SLC25A22: variants seen among roughly 807,000 people sequenced by gnomAD.
SLC25A22 encodes the protein solute carrier family 25 member 22.
A neutral mutation model predicts 33.7 loss-of-function variants in SLC25A22; 23 were observed. The ratio of observed to expected loss-of-function variants is 0.68; its 90% CI spans 0.49 to 0.97. The LOEUF (loss-of-function observed/expected upper bound fraction) is 0.97. Among genes scored for constraint, SLC25A22 ranks in the 50% least tolerant of loss-of-function variants. The probability of loss-of-function intolerance (pLI) is 0.00; values close to 1 mark genes in which losing one functional copy is unlikely to be tolerated. For synonymous variants in SLC25A22, 245 were observed against 203.8 expected (o/e 1.20, Z -1.72); for missense variants, 390 against 451.1 (o/e 0.86, Z 1.23).
rs1405191766 is a variant in SLC25A22, at chr11:791,947, G to C, written c.940C>G (p.Leu314Val). The change falls in exon 10 of 10, where the codon CTG (leucine) becomes GTG (valine). Residue 314 changes from leucine (L) to valine (V), a missense_variant. Transcript: ENST00000628067. ...TGGGGGTCCTGCAGCAGCCCCAGCAGGGACTCCGCGATGCCCAGGAAGTAG... is the reference window on the plus strand; with the variant it reads ...TGGGGGTCCTGCAGCAGCCCCAGCACGGACTCCGCGATGCCCAGGAAGTAG... Reference protein sequence around the residue: ...VVYFLGIAESLLGLLQDPQA With the variant: ...VVYFLGIAESVLGLLQDPQA The C allele has an allele frequency of 2.5e-6, 4 of 1,604,228 alleles. No homozygotes were observed. The highest frequency in any genetic ancestry group is 1.7e-5 in the Admixed American group (1 of 59,900).
rs766823792 is a variant in SLC25A22 at position 794,969 on chromosome 11, C to G, written c.20+18G>C. The G allele has an allele frequency of 6.4e-7, 1 of 1,561,322 alleles. No homozygotes were observed. The highest frequency in any genetic ancestry group is 1.2e-5 in the South Asian group (1 of 84,764). On this transcript the variant is annotated intron_variant, in intron 2 of 9. Coordinates refer to ENST00000628067, the MANE Select transcript of SLC25A22 (RefSeq NM_001191061.2). ...GTCAGGGTGGGGGTGAGGCACGCAG[C>G]CAGGACTGGAGTCTGACCTGATCTG...
chr11:798,113 C>T (rs1459498015), intron 1 of SLC25A22, 104 bp downstream of exon 1: 8 of 364,472 alleles, frequency 2.2e-5, no homozygotes, highest in Non-Finnish European at 3.9e-5. Context: ...CCACGTTGTT[C>T]GGGCAGCTGT....
rs901325312 is a variant in SLC25A22, at chr11:798,233, G to C, written c.-180C>G. On this transcript the variant is annotated 5_prime_UTR_variant, in exon 1 of 10. Coordinates refer to ENST00000628067, the MANE Select transcript of SLC25A22 (RefSeq NM_001191061.2). ...GACACTCACCACGCTCGCCGCCGCCGCCGCGCTCGCCTGCCCGCCCCGCGC... is the reference window on the plus strand; with the variant it reads ...GACACTCACCACGCTCGCCGCCGCCCCCGCGCTCGCCTGCCCGCCCCGCGC... 2.5e-5 allele frequency: 10 copies of C among 393,996 alleles called. No individual in the cohort carries two copies. In the Admixed American group the frequency reaches 3.6e-4, roughly 14 times the overall value. 24.4% of individuals were successfully genotyped at this position (393,996 alleles called of 1,614,324 possible).
At chr11:798,102 G>A (rs958482685) in intron 1 of SLC25A22, 115 bp downstream of exon 1, 1 of 397,788 alleles carries the variant, frequency 2.5e-6, no homozygotes, top group African/African-American at 2.1e-5. Flanking sequence ...CGCCCGCCAG[G>A]CCACGTTGTT....
chr11:793,118 A>G, intron 5 of SLC25A22, 130 bp from the exon 6 acceptor site: 2 of 845,614 alleles, frequency 2.4e-6, no homozygotes, highest in Non-Finnish European at 3.9e-6. Flanking sequence ...GTGGGGGTAC[A>G]GCCCCCAGCC....
intron 1 of SLC25A22, chr11:797,645 T>G: frequency 2.5e-6 from 1 of 398,670 alleles, no homozygotes; most frequent in Non-Finnish European, 4.4e-6. Context: ...AGGCTCCGAG[T>G]CTGGCCGGCG....
chr11:794,303 C>A (rs563337242), intron 4 of SLC25A22, 155 bp downstream of exon 4: 7 of 883,706 alleles, frequency 7.9e-6, no homozygotes, highest in African/African-American at 5.0e-5. Flanking sequence ...GAGATCCAGT[C>A]CCCCCTGCAC....
rs2133699836 is a variant in SLC25A22, at chr11:792,419, G to A, written c.627C>T (p.Ala209=). 6.2e-7 allele frequency: 1 copy of A among 1,613,446 alleles called. No homozygotes were observed. Among genetic ancestry groups the A allele is most frequent in the Admixed American group, 1.7e-5 (1 of 60,030 alleles). Residue 209 remains alanine (A), a synonymous_variant, in exon 8 of 10, where the codon GCC becomes GCT. Transcript: ENST00000628067. ...PFSVVYFPLF[A]NLNQLGRPAS... ...CCGGGCGGCCCAGCTGGTTCAGGTT[G>A]GCAAAGAGCGGGAAGTACACCACAG... is the stretch of plus-strand genomic sequence containing the variant.
intron 1 of SLC25A22, 99 bp from the exon 2 acceptor site, chr11:795,268 C>T: frequency 1.6e-6 from 1 of 622,324 alleles, no homozygotes; most frequent in South Asian, 1.8e-5. Flanking sequence ...ACCCACCACC[C>T]CAGACTGAAG....
At chr11:795,412 C>CGGCTCACGCTCGGGGCTCA (rs1554966349) in intron 1 of SLC25A22, 4 of 378,876 alleles carry the variant, frequency 1.1e-5, no homozygotes, top group African/African-American at 8.6e-5. Flanking sequence ...GCCTCACACG[C>CGGCTCACGCTCGGGGCTCA]CGCTCACGCT....
At chr11:795,390 T>A in intron 1 of SLC25A22, 1 of 313,070 alleles carries the variant, frequency 3.2e-6, no homozygotes, top group South Asian at 2.3e-5. Context: ...ACCGCCAGCG[T>A]CTTCCCAGCC....
At chr11:795,226 T>A in intron 1 of SLC25A22, 57 bp from the exon 2 acceptor site, 1 of 660,374 alleles carries the variant, frequency 1.5e-6, no homozygotes. Flanking sequence ...AGAGTAATCC[T>A]CCCCCAGCCT....
intron 4 of SLC25A22, 190 bp from the exon 5 acceptor site, chr11:793,809 C>T: frequency 1.6e-6 from 1 of 617,534 alleles, no homozygotes; most frequent in Middle Eastern, 4.3e-4. Flanking sequence ...GGCAGCACCT[C>T]AGGCTCAGGC....
At chr11:798,045 A>C (rs889910760) in intron 1 of SLC25A22, 172 bp downstream of exon 1, 1 of 398,380 alleles carries the variant, frequency 2.5e-6, no homozygotes, top group Admixed American at 4.4e-5. Context: ...GTCTCACGCC[A>C]GAGCAGCCGC....
rs1021756897 is a variant in SLC25A22 at position 790,795 on chromosome 11, C to CCCT, written c.*1119_*1120insAGG. 7 of 152,612 alleles carry CCCT rather than the reference C, an allele frequency of 4.6e-5. No individual in the cohort carries two copies. Among genetic ancestry groups the CCCT allele is most frequent in the African/African-American group, 1.7e-4 (7 of 41,474 alleles). 9.5% of individuals were successfully genotyped at this position (152,612 alleles called of 1,614,324 possible). On this transcript the variant is annotated 3_prime_UTR_variant, in exon 10 of 10. Transcript: ENST00000628067. ...GAGAGCTTCGGCTCACAGCAGGGAT[C>CCCT]GCCCGGTGGCAGGGGGGATGGGGCT...
chr11:798,198 C>A lies in SLC25A22; in HGVS notation c.-164+19G>T. 2.5e-6 allele frequency: 1 copy of A among 397,534 alleles called. No individual in the cohort carries two copies. Among genetic ancestry groups the A allele is most frequent in the East Asian group, 3.6e-5 (1 of 28,034 alleles). The allele number at this position is 397,534 out of a possible 1,614,324, so 24.6% of individuals were successfully genotyped here. The stretch of plus-strand genomic sequence containing the variant: ...TTCGGATGGGCGCAGCAGAAGGGAG[C>A]CGCCGGGCAGACACTCACCACGCTC... On this transcript the variant is annotated intron_variant, in intron 1 of 9. Coordinates refer to ENST00000628067, the MANE Select transcript of SLC25A22 (RefSeq NM_001191061.2).
intron 4 of SLC25A22, 42 bp downstream of exon 4, chr11:794,416 C>T: frequency 6.2e-7 from 1 of 1,604,952 alleles, no homozygotes; most frequent in Non-Finnish European, 8.5e-7. Flanking sequence ...GCGGGCGCTA[C>T]CCAGGCCTGC....
Position 793,543 on chromosome 11 carries a change from C to G in SLC25A22, c.279G>C (p.Gln93His), listed in dbSNP as rs769730725. 73 of 1,613,596 alleles carry G rather than the reference C, an allele frequency of 4.5e-5. No individual in the cohort carries two copies. In the South Asian group the frequency reaches 7.0e-4, roughly 16 times the overall value. The stretch of plus-strand genomic sequence containing the variant: ...AGAACCCTCACCCGTCCTTAGAGAG[C>G]TGATGTCGGAAGAAGTCGTTGGCTG... ...KLAANDFFRH[Q>H]LSKDGQKLTL... Residue 93 changes from glutamine (Q) to histidine (H), a missense_variant, in exon 5 of 10, where the codon CAG becomes CAC. Coordinates refer to ENST00000628067, the MANE Select transcript of SLC25A22 (RefSeq NM_001191061.2).
chr11:796,153 G>C (rs1039579259), intron 1 of SLC25A22: 1 of 153,060 alleles, frequency 6.5e-6, no homozygotes, highest in African/African-American at 2.4e-5. Flanking sequence ...ACCGACCCCC[G>C]CTCCGCCACC....
Sources: gnomAD v4.1 joint callset for allele counts on GRCh38, gnomAD v4.1.1 for gene constraint, MANE v1.5 for transcripts, NCBI Gene and HGNC (gene_info 2026-07-23, HGNC 2026-07-21) for gene names.